Variants in TRERF1 observed in about 807,000 individuals in gnomAD.
TRERF1 encodes the protein transcriptional regulating factor 1.
In TRERF1, 27 loss-of-function variants were observed where a neutral mutation model predicts 122.9. The ratio of observed to expected loss-of-function variants is 0.22; its 90% CI spans 0.16 to 0.30. TRERF1 has a LOEUF of 0.30. Ranked by LOEUF, TRERF1 falls within the 10% of genes least tolerant of loss-of-function variation. The probability of loss-of-function intolerance (pLI) is 1.00; values close to 1 mark genes in which losing one functional copy is unlikely to be tolerated. For synonymous variants in TRERF1, 636 were observed against 641.7 expected, an observed-to-expected ratio of 0.99 and a Z score of 0.13; for missense variants, 1,248 against 1,560.3, an observed-to-expected ratio of 0.80 and a Z score of 3.37.
chr6:42,342,009 T>C (rs1278924056), intron 3 of TRERF1, among the ~76,000 whole-genome samples: 3 of 152,272 alleles, frequency 2.0e-5, no homozygotes, highest in Non-Finnish European at 4.4e-5. Flanking sequence ...GAAATCATTT[T>C]ACTTAATTAA....
At chr6:42,329,994 A>G (rs921717771) in intron 3 of TRERF1, among the ~76,000 whole-genome samples, 21 of 151,444 alleles carry the variant, frequency 1.4e-4, no homozygotes, top group African/African-American at 2.2e-4. Context: ...GTCTTGGGGG[A>G]AAAAAAAAGT....
chr6:42,257,838 C>T (rs113304393), intron 10 of TRERF1, among the ~76,000 whole-genome samples: 44 of 152,332 alleles, frequency 2.9e-4, no homozygotes, highest in African/African-American at 8.4e-4. Flanking sequence ...ATGAGCCACC[C>T]GGAGGGAGAT....
chr6:42,317,193 A>G (rs1359201031), intron 3 of TRERF1, among the ~76,000 whole-genome samples: 1 of 152,008 alleles, frequency 6.6e-6, no homozygotes, highest in Non-Finnish European at 1.5e-5. Context: ...AATTTGAGTA[A>G]TAACTCCAGT....
chr6:42,333,626 TG>T (rs111410781), intron 3 of TRERF1, among the ~76,000 whole-genome samples: 2,445 of 152,304 alleles, frequency 0.016, 76 homozygotes, highest in African/African-American at 0.055. Flanking sequence ...TTCCCACCAC[TG>T]GTAGGTAAAG....
intron 13 of TRERF1, among the ~76,000 whole-genome samples, chr6:42,249,323 C>T (rs1476794500): frequency 6.6e-6 from 1 of 152,204 alleles, no homozygotes; most frequent in Non-Finnish European, 1.5e-5. Flanking sequence ...CCTTCTCAGC[C>T]AGTCTCTGCA....
At chr6:42,272,725 C>G (rs773364163) in intron 4 of TRERF1, among the ~76,000 whole-genome samples, 17 of 152,064 alleles carry the variant, frequency 1.1e-4, no homozygotes, top group Non-Finnish European at 1.9e-4. Flanking sequence ...TGGGAAGCAA[C>G]TCTCCTTCCT....
chr6:42,399,577 C>T (rs1562136061), intron 2 of TRERF1, among the ~76,000 whole-genome samples: 1 of 152,202 alleles, frequency 6.6e-6, no homozygotes, highest in Non-Finnish European at 1.5e-5. Flanking sequence ...AATGCAGTCC[C>T]GGTGTAGCTT....
chr6:42,281,234 C>A (rs1782247725), intron 4 of TRERF1, among the ~76,000 whole-genome samples: 1 of 152,120 alleles, frequency 6.6e-6, no homozygotes. Flanking sequence ...GCTAGGGGAC[C>A]CCTGCAGCTG....
At chr6:42,420,172 C>T (rs956547466) in intron 2 of TRERF1, among the ~76,000 whole-genome samples, 2 of 152,192 alleles carry the variant, frequency 1.3e-5, no homozygotes, top group African/African-American at 4.8e-5. Context: ...ACCTCCCTTC[C>T]CAGGACTTAG....
intron 12 of TRERF1, 68 bp downstream of exon 12, chr6:42,256,660 A>G (rs1199023371): frequency 7.1e-7 from 1 of 1,410,002 alleles, no homozygotes; most frequent in Non-Finnish European, 1.0e-6. Context: ...ATGGTACATG[A>G]GACAATATTG....
intron 15 of TRERF1, among the ~76,000 whole-genome samples, chr6:42,241,194 T>C (rs1773617937): frequency 6.6e-6 from 1 of 152,048 alleles, no homozygotes; most frequent in African/African-American, 2.4e-5. Flanking sequence ...GATCACATGT[T>C]TTTTAAAACA....
chr6:42,402,309 T>A (rs889330325), intron 2 of TRERF1, among the ~76,000 whole-genome samples: 1 of 152,208 alleles, frequency 6.6e-6, no homozygotes, highest in Non-Finnish European at 1.5e-5. Context: ...GCCGGGCATC[T>A]GAAAGCTTTA....
chr6:42,328,211 G>T (rs1764644145), intron 3 of TRERF1, among the ~76,000 whole-genome samples: 1 of 151,868 alleles, frequency 6.6e-6, no homozygotes, highest in African/African-American at 2.4e-5. Flanking sequence ...GTTTCACTGT[G>T]TTGGCCAGGC....
intron 3 of TRERF1, among the ~76,000 whole-genome samples, chr6:42,316,093 A>G (rs1440914602): frequency 6.6e-6 from 1 of 152,210 alleles, no homozygotes; most frequent in Admixed American, 6.5e-5. Context: ...TAATGGGTCT[A>G]CACAAATGAC....
intron 3 of TRERF1, among the ~76,000 whole-genome samples, chr6:42,305,760 C>A (rs981233809): frequency 6.6e-6 from 1 of 151,948 alleles, no homozygotes; most frequent in Non-Finnish European, 1.5e-5. Context: ...GAGGGGGATG[C>A]AGGAAAATGG....
intron 4 of TRERF1, among the ~76,000 whole-genome samples, chr6:42,272,434 G>T (rs917504606): frequency 2.6e-5 from 4 of 152,340 alleles, no homozygotes; most frequent in African/African-American, 9.6e-5. Flanking sequence ...TCAGAAGCAA[G>T]GAGACTAATG....
At chr6:42,374,150 AAAG>A (rs762812010) in intron 2 of TRERF1, among the ~76,000 whole-genome samples, 1,882 of 143,980 alleles carry the variant, frequency 0.013, 38 homozygotes, top group African/African-American at 0.043. Context: ...AAAAAAAAAA[AAAG>A]AAGAAGAAGA....
At chr6:42,358,112 T>G (rs771934472) in intron 3 of TRERF1, among the ~76,000 whole-genome samples, 46 of 152,156 alleles carry the variant, frequency 3.0e-4, no homozygotes, top group Non-Finnish European at 1.2e-4. Flanking sequence ...ACACACACCC[T>G]TTCCCACCTA....
intron 2 of TRERF1, among the ~76,000 whole-genome samples, chr6:42,374,223 G>A (rs1774397604): frequency 6.6e-6 from 1 of 151,980 alleles, no homozygotes; most frequent in Non-Finnish European, 1.5e-5. Flanking sequence ...GCAGCCGGGG[G>A]CGGGTGTGTG....
Sources: allele counts gnomAD v4.1 joint callset (sites outside exome capture counted in the v4.1 genomes callset), GRCh38; gene constraint gnomAD v4.1.1; transcripts MANE v1.5; gene names NCBI Gene and HGNC (gene_info 2026-07-23, HGNC 2026-07-21).